Variants in ARB2A observed in about 807,000 individuals in gnomAD.
The protein encoded by ARB2A is ARB2 cotranscriptional regulator A.
the ARB2A span, among the ~76,000 whole-genome samples, chr5:93,762,679 C>A: frequency 6.6e-6 from 1 of 152,134 alleles, no homozygotes; most frequent in South Asian, 2.1e-4. Context: ...GGCCAACATT[C>A]AAATTCAGGA....
the ARB2A span, among the ~76,000 whole-genome samples, chr5:93,923,368 T>TAA: frequency 4.0e-3 from 611 of 152,288 alleles, 1 homozygote; most frequent in Non-Finnish European, 6.5e-3. Context: ...GCAGAGCAGT[T>TAA]GAATATCTGC....
chr5:94,039,214 C>G, the ARB2A span, among the ~76,000 whole-genome samples: 2 of 152,148 alleles, frequency 1.3e-5, no homozygotes, highest in African/African-American at 4.8e-5. Context: ...TGAACCAAAG[C>G]AACTCCATCT....
At chr5:93,882,480 C>CT in the ARB2A span, among the ~76,000 whole-genome samples, 473 of 141,690 alleles carry the variant, frequency 3.3e-3, 2 homozygotes, top group East Asian at 6.5e-3. Context: ...GCTATTAAGG[C>CT]TTTTTTTTTT....
chr5:93,960,350 A>T, the ARB2A span, among the ~76,000 whole-genome samples: 2 of 151,844 alleles, frequency 1.3e-5, no homozygotes, highest in Non-Finnish European at 2.9e-5. Context: ...AAAATTCCAA[A>T]CATGTCCCGA....
chr5:93,765,280 G>A, the ARB2A span, among the ~76,000 whole-genome samples: 1 of 152,170 alleles, frequency 6.6e-6, no homozygotes, highest in African/African-American at 2.4e-5. Context: ...CGACGTGATT[G>A]TATATCTAGA....
chr5:93,929,410 C>T, the ARB2A span, among the ~76,000 whole-genome samples: 1 of 152,054 alleles, frequency 6.6e-6, no homozygotes, highest in Non-Finnish European at 1.5e-5. Context: ...TAATTTTATA[C>T]TGTAAAAATC....
the ARB2A span, among the ~76,000 whole-genome samples, chr5:93,827,883 G>C: frequency 1.3e-5 from 2 of 151,988 alleles, no homozygotes; most frequent in South Asian, 4.2e-4. Flanking sequence ...TTTTTCTCAG[G>C]TTTGTCAAAG....
the ARB2A span, among the ~76,000 whole-genome samples, chr5:93,875,208 C>G: frequency 1.3e-5 from 2 of 151,922 alleles, no homozygotes; most frequent in Admixed American, 6.6e-5. Context: ...AATGGAAGAG[C>G]TGGAATTCAA....
At chr5:93,817,701 A>C in the ARB2A span, among the ~76,000 whole-genome samples, 2 of 152,328 alleles carry the variant, frequency 1.3e-5, no homozygotes, top group African/African-American at 4.8e-5. Flanking sequence ...GGGTGCTAAG[A>C]CAAATCAGAG....
the ARB2A span, among the ~76,000 whole-genome samples, chr5:94,106,780 G>A: frequency 1.3e-5 from 2 of 149,072 alleles, no homozygotes; most frequent in Non-Finnish European, 3.0e-5. Context: ...TATACACCAC[G>A]GAACACCACA....
At chr5:93,763,912 C>T in the ARB2A span, among the ~76,000 whole-genome samples, 1 of 152,182 alleles carries the variant, frequency 6.6e-6, no homozygotes, top group Admixed American at 6.5e-5. Context: ...AACTGCTCAA[C>T]TACATGGAAA....
chr5:93,752,437 A>T, the ARB2A span, among the ~76,000 whole-genome samples: 12 of 152,192 alleles, frequency 7.9e-5, no homozygotes, highest in Middle Eastern at 3.2e-3. Context: ...AGTTAAAAAA[A>T]TTTTTTATCT....
At chr5:93,808,075 G>C in the ARB2A span, among the ~76,000 whole-genome samples, 1 of 151,940 alleles carries the variant, frequency 6.6e-6, no homozygotes, top group South Asian at 2.1e-4. Flanking sequence ...CTGCAACCTA[G>C]GGAGGGAACA....
At chr5:94,098,807 C>G in the ARB2A span, among the ~76,000 whole-genome samples, 1 of 152,104 alleles carries the variant, frequency 6.6e-6, no homozygotes, top group African/African-American at 2.4e-5. Context: ...TTACTACTGA[C>G]CCCACAGAAA....
At chr5:93,726,706 A>C in the ARB2A span, among the ~76,000 whole-genome samples, 3 of 152,072 alleles carry the variant, frequency 2.0e-5, no homozygotes, top group African/African-American at 7.2e-5. Flanking sequence ...GGGGTTACGT[A>C]ACTTAAAATG....
At chr5:93,906,824 A>C in the ARB2A span, among the ~76,000 whole-genome samples, 2 of 151,512 alleles carry the variant, frequency 1.3e-5, no homozygotes, top group African/African-American at 4.8e-5. Flanking sequence ...GAATCGGAGC[A>C]AAATTTTTGA....
At chr5:93,890,038 T>C in the ARB2A span, among the ~76,000 whole-genome samples, 8 of 151,894 alleles carry the variant, frequency 5.3e-5, no homozygotes, top group South Asian at 4.1e-4. Flanking sequence ...AAATCTTTCA[T>C]AGAATCTTCT....
the ARB2A span, among the ~76,000 whole-genome samples, chr5:93,665,218 A>G: frequency 1.3e-5 from 2 of 152,390 alleles, no homozygotes; most frequent in South Asian, 4.1e-4. Flanking sequence ...GACATGATGT[A>G]CTAAAAAATA....
the ARB2A span, among the ~76,000 whole-genome samples, chr5:93,834,898 A>C: frequency 2.6e-5 from 4 of 152,180 alleles, no homozygotes; most frequent in African/African-American, 9.7e-5. Context: ...ATACGCTTCA[A>C]TTACAGAAAT....
Sources: gnomAD v4.1 joint callset for allele counts (sites outside exome capture counted in the v4.1 genomes callset) on GRCh38, gnomAD v4.1.1 for gene constraint, MANE v1.5 for transcripts, NCBI Gene and HGNC (gene_info 2026-07-23, HGNC 2026-07-21) for gene names.